The following MOXD1 variants were observed in gnomAD, a reference collection of about 807,000 sequenced individuals.
MOXD1 encodes monooxygenase DBH like 1.
MOXD1 carries 62 observed loss-of-function variants against 66.6 expected under a neutral mutation model. The ratio of observed to expected loss-of-function variants is 0.93; its 90% CI spans 0.76 to 1.15. The LOEUF (loss-of-function observed/expected upper bound fraction) is 1.15, where lower values mean the gene tolerates loss of function less well. MOXD1 is among the 50% of genes most tolerant of loss of function. MOXD1 has a pLI of 0.00. For synonymous variants in MOXD1, 303 were observed against 281.9 expected (o/e 1.07, Z -0.75); for missense variants, 847 against 754.6 (o/e 1.12, Z -1.44).
intron 2 of MOXD1, among the ~76,000 whole-genome samples, chr6:132,373,307 T>C (rs1362817700): frequency 6.6e-6 from 1 of 152,206 alleles, no homozygotes; most frequent in African/African-American, 2.4e-5. Flanking sequence ...TAAATCATTG[T>C]CACGCCAAAA....
Position 132,376,501 on chromosome 6 carries a change from C to CTTTTT in MOXD1, c.265-1729_265-1725dup, listed in dbSNP as rs1166086289. Among the ~76,000 whole-genome samples the CTTTTT allele has an allele frequency of 7.6e-4, 50 of 65,360 alleles. 1 individual carries two copies. The highest frequency in any genetic ancestry group is 1.7e-3 in the East Asian group (2 of 1,160). The allele number at this position is 65,360 out of a possible 152,430, so 42.9% of individuals were successfully genotyped here. ...ACAATGGTAACAATAACTACAGCTT[C>CTTTTT]TTTTTTTTTTTTTTTTTTTTTTTTT... On this transcript the variant is annotated intron_variant, in intron 1 of 11. Transcript: ENST00000367963.
Position 132,349,438 on chromosome 6 carries a change from T to C in MOXD1, c.664-20844A>G, listed in dbSNP as rs1410971296. 9.7e-3 allele frequency among the ~76,000 whole-genome samples: 142 copies of C among 14,684 alleles called. 18 individuals are homozygous for C. The highest frequency in any genetic ancestry group is 0.06 in the African/African-American group (140 of 2,338). The allele number at this position is 14,684 out of a possible 152,430, so 9.6% of individuals were successfully genotyped here. A position where few individuals can be genotyped will look rare whatever the true frequency, so the allele number is the denominator to read the frequency against. On this transcript the variant is annotated intron_variant, in intron 4 of 11. Transcript: ENST00000367963. The stretch of plus-strand genomic sequence containing the variant: ...ATATATATACATATATATATATACA[T>C]ATATATATATATACATATATATATA...
intron 1 of MOXD1, among the ~76,000 whole-genome samples, chr6:132,379,000 G>T (rs901033270): frequency 7.1e-6 from 1 of 140,078 alleles, no homozygotes; most frequent in Non-Finnish European, 1.5e-5. Context: ...TGCAACCTCC[G>T]CCTCCTGGGT....
At chr6:132,372,776 G>A (rs1562296032) in intron 3 of MOXD1, 54 bp downstream of exon 3, 27 of 1,608,958 alleles carry the variant, frequency 1.7e-5, no homozygotes, top group Admixed American at 8.3e-5. Context: ...AAAAATGCTC[G>A]TATACACTTT....
At chr6:132,384,154 C>T (rs1241047856) in intron 1 of MOXD1, among the ~76,000 whole-genome samples, 2 of 151,560 alleles carry the variant, frequency 1.3e-5, no homozygotes, top group East Asian at 3.9e-4. Context: ...TTCCTTTATC[C>T]TTCCCTCCCT....
intron 4 of MOXD1, among the ~76,000 whole-genome samples, chr6:132,335,191 C>A (rs958234490): frequency 1.3e-5 from 2 of 150,232 alleles, no homozygotes; most frequent in African/African-American, 4.9e-5. Context: ...GTGAAAGACA[C>A]CGAGTATTGG....
At chr6:132,377,820 G>A (rs1288981908) in intron 1 of MOXD1, among the ~76,000 whole-genome samples, 1 of 152,062 alleles carries the variant, frequency 6.6e-6, no homozygotes, top group Non-Finnish European at 1.5e-5. Flanking sequence ...AACCACCATG[G>A]TAATTCCACT....
rs144713706 is a variant in MOXD1, at chr6:132,357,107, C to T, written c.663+15501G>A. Among the ~76,000 whole-genome samples, 518 of 152,048 alleles carry T rather than the reference C, an allele frequency of 3.4e-3. 5 individuals are homozygous for T. Among genetic ancestry groups the T allele is most frequent in the African/African-American group, 0.012 (494 of 41,502 alleles). ...AGAGATAAAAACTCAACAGTTGTGACCTCTTTGCAAGATTGTTAAAAGCCA... is the reference window on the plus strand; with the variant it reads ...AGAGATAAAAACTCAACAGTTGTGATCTCTTTGCAAGATTGTTAAAAGCCA... On this transcript the variant is annotated intron_variant, in intron 4 of 11. Coordinates refer to ENST00000367963, the MANE Select transcript of MOXD1 (RefSeq NM_015529.4).
chr6:132,398,541 C>A (rs1776947963), intron 1 of MOXD1, among the ~76,000 whole-genome samples: 2 of 152,090 alleles, frequency 1.3e-5, no homozygotes, highest in East Asian at 1.9e-4. Flanking sequence ...GCCCCGGGAG[C>A]CAATGTTTTT....
intron 4 of MOXD1, among the ~76,000 whole-genome samples, chr6:132,358,330 A>G (rs1009076292): frequency 1.3e-5 from 2 of 152,246 alleles, no homozygotes; most frequent in African/African-American, 4.8e-5. Context: ...AGAGTTCAAC[A>G]CAGTAATTCA....
intron 1 of MOXD1, among the ~76,000 whole-genome samples, chr6:132,395,608 C>T (rs1776854021): frequency 6.6e-6 from 1 of 152,074 alleles, no homozygotes; most frequent in Non-Finnish European, 1.5e-5. Flanking sequence ...AAAAACATGA[C>T]CTGACTATAC....
intron 4 of MOXD1, among the ~76,000 whole-genome samples, chr6:132,353,620 T>C (rs758063753): frequency 1.6e-4 from 24 of 152,196 alleles, no homozygotes; most frequent in Non-Finnish European, 2.8e-4. Context: ...AACTTCATCA[T>C]AACCTGATGA....
intron 4 of MOXD1, among the ~76,000 whole-genome samples, chr6:132,360,855 G>A (rs1460761939): frequency 6.6e-6 from 1 of 152,168 alleles, no homozygotes; most frequent in Non-Finnish European, 1.5e-5. Flanking sequence ...AATGTTTCCA[G>A]CTGATTAAAA....
intron 4 of MOXD1, 57 bp from the exon 5 acceptor site, chr6:132,328,651 C>G: frequency 6.7e-7 from 1 of 1,485,186 alleles, no homozygotes; most frequent in African/African-American, 1.4e-5. Flanking sequence ...CTACAACATC[C>G]CACAACAAAC....
chr6:132,352,439 T>C (rs1008937232), intron 4 of MOXD1, among the ~76,000 whole-genome samples: 1 of 152,246 alleles, frequency 6.6e-6, no homozygotes, highest in Non-Finnish European at 1.5e-5. Flanking sequence ...ATTTGCATAG[T>C]TTTGAAGGTT....
chr6:132,387,985 C>T (rs148029169), intron 1 of MOXD1, among the ~76,000 whole-genome samples: 3 of 151,222 alleles, frequency 2.0e-5, no homozygotes, highest in African/African-American at 7.2e-5. Flanking sequence ...CCATACTGGT[C>T]TCTAGTCATT....
Position 132,315,642 on chromosome 6 carries a change from G to T in MOXD1, c.1501C>A (p.Pro501Thr). Residue 501 changes from proline (P) to threonine (T), a missense_variant, in exon 10 of 12, where the codon CCA becomes ACA. Transcript: ENST00000367963. ...QFIGVKEIYRPVTTWPFIIKS... is the reference protein window; with the variant it reads ...QFIGVKEIYRTVTTWPFIIKS... ...AATACATTTACTACTTACGTGACTGGTCTGTAGATCTCCTTAACCCCAATG... is the reference window on the plus strand; with the variant it reads ...AATACATTTACTACTTACGTGACTGTTCTGTAGATCTCCTTAACCCCAATG... 6.2e-7 allele frequency: 1 copy of T among 1,610,904 alleles called. No homozygotes were observed. Among genetic ancestry groups the T allele is most frequent in the African/African-American group, 1.3e-5 (1 of 74,862 alleles).
chr6:132,320,817 A>T (rs1775063485), intron 8 of MOXD1, 129 bp from the exon 9 acceptor site: 3 of 678,330 alleles, frequency 4.4e-6, no homozygotes, highest in Admixed American at 6.2e-5. Context: ...TCAGCAGAAG[A>T]CCCCTGATCT....
chr6:132,316,196 T>C (rs1774951880), intron 9 of MOXD1, among the ~76,000 whole-genome samples: 1 of 152,148 alleles, frequency 6.6e-6, no homozygotes, highest in Non-Finnish European at 1.5e-5. Context: ...TTTCATATTT[T>C]GAATCTAGGT....
Sources: gnomAD v4.1 joint callset for allele counts (sites outside exome capture counted in the v4.1 genomes callset) on GRCh38, gnomAD v4.1.1 for gene constraint, MANE v1.5 for transcripts, NCBI Gene and HGNC (gene_info 2026-07-23, HGNC 2026-07-21) for gene names.